The following MCU variants were observed in gnomAD, a reference collection of about 807,000 sequenced individuals.
MCU encodes the protein mitochondrial calcium uniporter, also known as calcium uniporter protein, mitochondrial.
Under a neutral mutation model 45.2 loss-of-function variants are expected in MCU, and 12 were observed. The observed-to-expected ratio is 0.27, with a 90% CI of 0.17 to 0.43. The LOEUF (loss-of-function observed/expected upper bound fraction) is 0.43, where lower values mean the gene tolerates loss of function less well. Ranked by LOEUF, MCU falls within the 20% of genes least tolerant of loss-of-function variation. MCU has a pLI of 1.00. For missense variants in MCU, 324 were observed against 436.7 expected (o/e 0.74, Z 2.30); for synonymous variants, 160 against 165.1 (o/e 0.97, Z 0.24).
At chr10:72,848,443 C>T (rs1380171292) in intron 2 of MCU, among the ~76,000 whole-genome samples, 2 of 151,548 alleles carry the variant, frequency 1.3e-5, no homozygotes, top group African/African-American at 4.9e-5. Flanking sequence ...TTGACTTGAA[C>T]TCACCGTTTT....
At chr10:72,778,379 A>G (rs1028704163) in intron 1 of MCU, among the ~76,000 whole-genome samples, 4 of 152,210 alleles carry the variant, frequency 2.6e-5, no homozygotes, top group African/African-American at 9.6e-5. Context: ...TTGCAGCAAC[A>G]TGGATGGAAC....
At chr10:72,749,801 CTGT>C (rs1233056506) in intron 1 of MCU, among the ~76,000 whole-genome samples, 1 of 152,220 alleles carries the variant, frequency 6.6e-6, no homozygotes, top group East Asian at 1.9e-4. Flanking sequence ...GAGTCTTGCT[CTGT>C]TGCCCAGGCT....
intron 1 of MCU, among the ~76,000 whole-genome samples, chr10:72,824,575 T>C (rs1844768416): frequency 1.3e-5 from 2 of 152,182 alleles, no homozygotes; most frequent in Non-Finnish European, 2.9e-5. Context: ...GAAATGTAGG[T>C]AGCATGTTTA....
intron 1 of MCU, among the ~76,000 whole-genome samples, chr10:72,761,259 GAAC>G (rs375770398): frequency 5.9e-5 from 9 of 152,108 alleles, no homozygotes; most frequent in South Asian, 2.1e-4. Flanking sequence ...AGAAAATGTT[GAAC>G]AAAAGGTTTG....
intron 1 of MCU, among the ~76,000 whole-genome samples, chr10:72,752,343 G>C (rs1442732280): frequency 6.6e-6 from 1 of 150,724 alleles, no homozygotes; most frequent in Non-Finnish European, 1.5e-5. Flanking sequence ...TGATCTGCCT[G>C]CCTCGGCCTC....
At chr10:72,694,913 A>AT (rs1222387286) in intron 1 of MCU, among the ~76,000 whole-genome samples, 2 of 152,162 alleles carry the variant, frequency 1.3e-5, no homozygotes, top group African/African-American at 4.8e-5. Flanking sequence ...CCCCTTCTCC[A>AT]TTAGTATGTC....
intron 1 of MCU, chr10:72,692,913 C>A (rs889824970): frequency 6.7e-7 from 1 of 1,499,622 alleles, no homozygotes. Flanking sequence ...CCGGCTCCCT[C>A]GAGATGGATG....
In MCU at chr10:72,807,373, T is replaced by TAA. The variant is rs879801803; in HGVS notation, c.151-26974_151-26973dup. ...GCCAAGTGCACTTCTTCTGAAATCT[T>TAA]AAAAAAAAAAAAAGTGACAGTGCTT... On this transcript the variant is annotated intron_variant, in intron 1 of 7. Transcript: ENST00000373053. Among the ~76,000 whole-genome samples, 6 of 144,230 alleles carry TAA rather than the reference T, an allele frequency of 4.2e-5. 1 individual carries two copies. Among genetic ancestry groups the TAA allele is most frequent in the African/African-American group, 2.5e-5 (1 of 39,568 alleles). The allele number at this position is 144,230 out of a possible 152,430, so 94.6% of individuals were successfully genotyped here.
intron 1 of MCU, among the ~76,000 whole-genome samples, chr10:72,773,569 A>G (rs1402767511): frequency 6.6e-6 from 1 of 152,208 alleles, no homozygotes; most frequent in Non-Finnish European, 1.5e-5. Context: ...AAGCTTATTC[A>G]TAGAAATAAT....
intron 1 of MCU, among the ~76,000 whole-genome samples, chr10:72,755,696 A>C (rs1009868260): frequency 1.2e-4 from 19 of 152,222 alleles, no homozygotes; most frequent in Non-Finnish European, 2.6e-4. Context: ...AAGCAATTTG[A>C]ACGGCGGAAG....
At chr10:72,726,257 G>A (rs966985762) in intron 1 of MCU, among the ~76,000 whole-genome samples, 24 of 8,690 alleles carry the variant, frequency 2.8e-3, no homozygotes, top group East Asian at 9.0e-3. Context: ...ACACACACAC[G>A]TGTGTGTGTG....
chr10:72,867,926 A>T (rs1381500912), intron 4 of MCU, among the ~76,000 whole-genome samples: 3 of 152,002 alleles, frequency 2.0e-5, no homozygotes, highest in African/African-American at 7.2e-5. Flanking sequence ...GCAAATTTGA[A>T]ATACTATATA....
At chr10:72,843,696 T>C (rs2132847592) in intron 2 of MCU, among the ~76,000 whole-genome samples, 1 of 152,280 alleles carries the variant, frequency 6.6e-6, no homozygotes, top group South Asian at 2.1e-4. Flanking sequence ...ATATGTTTAT[T>C]TTTGTAAGAA....
At chr10:72,873,882 G>A (rs1279908550) in intron 6 of MCU, among the ~76,000 whole-genome samples, 1 of 152,114 alleles carries the variant, frequency 6.6e-6, no homozygotes, top group African/African-American at 2.4e-5. Context: ...GTGGGTTCGT[G>A]GTGCCTTTGT....
intron 1 of MCU, among the ~76,000 whole-genome samples, chr10:72,725,062 C>A (rs1472203834): frequency 7.0e-6 from 1 of 142,870 alleles, no homozygotes; most frequent in East Asian, 1.9e-4. Flanking sequence ...TTCCTGGGTT[C>A]AGGGGATCCT....
At chr10:72,753,547 C>A (rs1178623583) in intron 1 of MCU, among the ~76,000 whole-genome samples, 2 of 152,106 alleles carry the variant, frequency 1.3e-5, no homozygotes, top group Non-Finnish European at 2.9e-5. Flanking sequence ...AAGTACCTGG[C>A]ACCTTAACTT....
chr10:72,709,269 C>T (rs900949183), intron 1 of MCU, among the ~76,000 whole-genome samples: 2 of 152,136 alleles, frequency 1.3e-5, no homozygotes, highest in African/African-American at 2.4e-5. Context: ...TGATAGCTGC[C>T]GTGAAGCAGG....
chr10:72,750,856 T>G (rs1046782665), intron 1 of MCU, among the ~76,000 whole-genome samples: 11 of 152,260 alleles, frequency 7.2e-5, no homozygotes, highest in African/African-American at 2.4e-4. Flanking sequence ...TTTTGCAGAT[T>G]GTCATATAAA....
At chr10:72,869,619 A>G (rs527379266) in intron 5 of MCU, among the ~76,000 whole-genome samples, 1 of 152,280 alleles carries the variant, frequency 6.6e-6, no homozygotes, top group Admixed American at 6.5e-5. Flanking sequence ...ACAACAACAA[A>G]ATAACAATAC....
Sources: gnomAD v4.1 joint callset for allele counts (sites outside exome capture counted in the v4.1 genomes callset) on GRCh38, gnomAD v4.1.1 for gene constraint, MANE v1.5 for transcripts, NCBI Gene and HGNC (gene_info 2026-07-23, HGNC 2026-07-21) for gene names.